The following YPEL1 variants were observed in gnomAD, a reference collection of about 807,000 sequenced individuals.
YPEL1 encodes the protein yippee like 1, also known as protein yippee-like 1.
Under a neutral mutation model 17.3 loss-of-function variants are expected in YPEL1, and 7 were observed. The observed-to-expected ratio is 0.40, with a 90% confidence interval of 0.23 to 0.76. The LOEUF is 0.76. YPEL1 is among the 30% of genes least tolerant of loss of function. The pLI is 0.35. For synonymous variants in YPEL1, 59 were observed against 59.6 expected (o/e 0.99, Z 0.05); for missense variants, 91 against 155.5 (o/e 0.59, Z 2.21).
At chr22:21,719,337 ATC>A (rs759643066) in intron 1 of YPEL1, among the ~76,000 whole-genome samples, 3 of 152,208 alleles carry the variant, frequency 2.0e-5, no homozygotes, top group Non-Finnish European at 4.4e-5. Flanking sequence ...CTCATGTTCA[ATC>A]TCTGTGATAT....
At chr22:21,716,289 C>T (rs1480483303) in intron 1 of YPEL1, among the ~76,000 whole-genome samples, 2 of 152,228 alleles carry the variant, frequency 1.3e-5, no homozygotes, top group Non-Finnish European at 2.9e-5. Context: ...AAGCCAAATA[C>T]TTGGACCAGC....
chr22:21,700,284 CCCTGTGG>C lies in YPEL1; in HGVS notation c.*838_*844del, dbSNP rs2068052119. ...GACTTGCTATCTAAAGAGACCCTGT[CCCTGTGG>C]TCTTCAGAGACTCAGTCTGGTTCTC... On this transcript the variant is annotated 3_prime_UTR_variant, in exon 5 of 5. Transcript: ENST00000339468. The C allele has an allele frequency of 1.3e-5, 2 of 152,220 alleles. No homozygotes were observed. The highest frequency in any genetic ancestry group is 2.9e-5 in the Non-Finnish European group (2 of 68,040). 9.4% of individuals were successfully genotyped at this position (152,220 alleles called of 1,614,324 possible). A position where few individuals can be genotyped will look rare whatever the true frequency, so the allele number is the denominator to read the frequency against.
At position 21,701,258 on chromosome 22, in the gene YPEL1, T is replaced by G. The variant is rs1242868588; in HGVS notation, c.271-40A>C. On this transcript the variant is annotated intron_variant, in intron 4 of 4. Transcript: ENST00000339468. The stretch of plus-strand genomic sequence containing the variant: ...GACAAAGGTTTCAGGACAGAAGGTT[T>G]CACTTTTCAATTTCATCACTCTTTT... 3 of 1,543,400 alleles carry G rather than the reference T, an allele frequency of 1.9e-6. No homozygotes were observed. The African/African-American group carries it at 4.1e-5, about 21-fold the overall frequency.
Position 21,700,912 on chromosome 22 carries a change from G to A in YPEL1, c.*217C>T, listed in dbSNP as rs898852091. On this transcript the variant is annotated 3_prime_UTR_variant, in exon 5 of 5. Transcript: ENST00000339468. ...TCTAGAACTTGAGAAGTTAGAAAAA[G>A]CTCATTGAAAATTTTCAGAAACAAC... 9.2e-6 allele frequency: 4 copies of A among 433,844 alleles called. No individual in the cohort carries two copies. Among genetic ancestry groups the A allele is most frequent in the African/African-American group, 6.0e-5 (3 of 50,238 alleles). The allele number at this position is 433,844 out of a possible 1,614,324, so 26.9% of individuals were successfully genotyped here. A position where few individuals can be genotyped will look rare whatever the true frequency, so the allele number is the denominator to read the frequency against.
intron 1 of YPEL1, among the ~76,000 whole-genome samples, chr22:21,732,008 C>A (rs539384841): frequency 6.6e-6 from 1 of 152,222 alleles, no homozygotes; most frequent in East Asian, 1.9e-4. Flanking sequence ...CAAGGCCCTG[C>A]AGGTGCCAGA....
intron 1 of YPEL1, among the ~76,000 whole-genome samples, chr22:21,725,835 G>A (rs1234028536): frequency 2.8e-5 from 4 of 140,962 alleles, no homozygotes; most frequent in Non-Finnish European, 1.5e-5. Flanking sequence ...TCTACCAAAG[G>A]AAAAAAAAAA....
intron 2 of YPEL1, among the ~76,000 whole-genome samples, chr22:21,705,468 G>C (rs1383062007): frequency 1.3e-5 from 2 of 152,172 alleles, no homozygotes; most frequent in Admixed American, 1.3e-4. Context: ...AAACAAAGAT[G>C]GTTTTGTATT....
chr22:21,722,422 A>AC (rs2068292270), intron 1 of YPEL1, among the ~76,000 whole-genome samples: 2 of 151,598 alleles, frequency 1.3e-5, no homozygotes, highest in Non-Finnish European at 2.9e-5. Context: ...TCTCAAAAAA[A>AC]CCCCAAAACC....
At chr22:21,704,659 A>G (rs536767620) in intron 2 of YPEL1, among the ~76,000 whole-genome samples, 4,749 of 76,746 alleles carry the variant, frequency 0.062, 117 homozygotes, top group African/African-American at 0.11. Flanking sequence ...CCCCGTCTCG[A>G]AAAAAAAAAA....
chr22:21,729,300 G>C (rs1388051130), intron 1 of YPEL1, among the ~76,000 whole-genome samples: 1 of 151,774 alleles, frequency 6.6e-6, no homozygotes, highest in Non-Finnish European at 1.5e-5. Context: ...GACAGAGTAC[G>C]ATCTTATCTC....
chr22:21,712,836 G>C (rs1337850743), intron 1 of YPEL1, among the ~76,000 whole-genome samples: 2 of 151,352 alleles, frequency 1.3e-5, no homozygotes, highest in East Asian at 3.9e-4. Flanking sequence ...AACACAATCT[G>C]ATTAAAAAAT....
At position 21,703,079 on chromosome 22, in the gene YPEL1, C is replaced by T. The variant is rs57847073; in HGVS notation, c.270+291G>A. Among the ~76,000 whole-genome samples, 2,446 of 152,320 alleles carry T rather than the reference C, an allele frequency of 0.016. 24 individuals are homozygous for T. Among genetic ancestry groups the T allele is most frequent in the South Asian group, 0.038 (183 of 4,826 alleles). On this transcript the variant is annotated intron_variant, in intron 4 of 4. Coordinates refer to ENST00000339468, the MANE Select transcript of YPEL1 (RefSeq NM_013313.5). The surrounding 1 kb of genome is among the most constrained non-coding windows in gnomAD (Gnocchi z 6.1). ...TCCTCCCACACCAGGCTCTGCTCAG[C>T]GGGCCGAGGGCGGGCTGGGTGCAGA... is the stretch of plus-strand genomic sequence containing the variant.
chr22:21,725,810 T>C (rs979412490), intron 1 of YPEL1, among the ~76,000 whole-genome samples: 1 of 142,854 alleles, frequency 7.0e-6, no homozygotes, highest in South Asian at 2.3e-4. Flanking sequence ...CCAGGCAAGA[T>C]AGTGAGACCC....
rs766143202 is a variant in YPEL1 at position 21,698,640 on chromosome 22, T to G, written c.*2489A>C. On this transcript the variant is annotated 3_prime_UTR_variant, in exon 5 of 5. Coordinates refer to ENST00000339468, the MANE Select transcript of YPEL1 (RefSeq NM_013313.5). The stretch of plus-strand genomic sequence containing the variant: ...AGTTTAAGATAAGTTTTCAGTGAAC[T>G]CCTTCTTCCACCCGGGAAGGTGTCT... 6.6e-6 allele frequency: 1 copy of G among 152,394 alleles called. No individual in the cohort carries two copies. The highest frequency in any genetic ancestry group is 1.5e-5 in the Non-Finnish European group (1 of 68,044). The allele number at this position is 152,394 out of a possible 1,614,324, so 9.4% of individuals were successfully genotyped here. A position where few individuals can be genotyped will look rare whatever the true frequency, so the allele number is the denominator to read the frequency against.
At chr22:21,717,370 C>A (rs1473116331) in intron 1 of YPEL1, among the ~76,000 whole-genome samples, 3 of 145,304 alleles carry the variant, frequency 2.1e-5, no homozygotes, top group Non-Finnish European at 4.5e-5. Context: ...GAGCAATAGT[C>A]CGTCTCAAAA....
In YPEL1 at chr22:21,699,016, C is replaced by T. The variant is rs1196076915; in HGVS notation, c.*2113G>A. ...TCACTCCTGCTGAGTGGATGCATCT[C>T]AGTGCCATGCCCACCAGGGCAGCGG... is the stretch of plus-strand genomic sequence containing the variant. On this transcript the variant is annotated 3_prime_UTR_variant, in exon 5 of 5. Coordinates refer to ENST00000339468, the MANE Select transcript of YPEL1 (RefSeq NM_013313.5). The T allele has an allele frequency of 1.3e-5, 2 of 152,456 alleles. No individual in the cohort carries two copies. The highest frequency in any genetic ancestry group is 2.4e-5 in the African/African-American group (1 of 41,476). The allele number at this position is 152,456 out of a possible 1,614,324, so 9.4% of individuals were successfully genotyped here. A position where few individuals can be genotyped will look rare whatever the true frequency, so the allele number is the denominator to read the frequency against.
intron 1 of YPEL1, among the ~76,000 whole-genome samples, chr22:21,717,376 C>CAAAAAAAA (rs751720152): frequency 4.9e-5 from 3 of 61,482 alleles, no homozygotes; most frequent in Admixed American, 1.8e-4. Context: ...TAGTCCGTCT[C>CAAAAAAAA]AAAAAAAAAA....
intron 1 of YPEL1, among the ~76,000 whole-genome samples, chr22:21,728,715 T>A (rs2068359342): frequency 6.6e-6 from 1 of 152,134 alleles, no homozygotes; most frequent in South Asian, 2.1e-4. Flanking sequence ...GGCAATGATT[T>A]TTTTAAAAGT....
chr22:21,711,869 A>G (rs2068169673), intron 1 of YPEL1, among the ~76,000 whole-genome samples: 1 of 152,204 alleles, frequency 6.6e-6, no homozygotes, highest in Admixed American at 6.5e-5. Context: ...GACACATTAG[A>G]CTTCGTAAAA....
Sources: gnomAD v4.1 joint callset for allele counts (sites outside exome capture counted in the v4.1 genomes callset) on GRCh38, gnomAD v4.1.1 for gene constraint, Gnocchi (gnomAD v3.1) non-coding constraint, MANE v1.5 for transcripts, NCBI Gene and HGNC (gene_info 2026-07-23, HGNC 2026-07-21) for gene names.